MDGA2: variants seen among roughly 807,000 people sequenced by gnomAD.
The protein encoded by MDGA2 is MAM domain containing glycosylphosphatidylinositol anchor 2.
MDGA2 carries 40 observed loss-of-function variants against 117.8 expected under a neutral mutation model. The ratio of observed to expected loss-of-function variants is 0.34; its 90% CI spans 0.26 to 0.44. The LOEUF is 0.44. MDGA2 is among the 20% of genes least tolerant of loss of function. MDGA2 has a pLI of 1.00. For synonymous variants in MDGA2, 452 were observed against 439.0 expected (o/e 1.03, Z -0.37); for missense variants, 1,123 against 1,250.6 (o/e 0.90, Z 1.54).
chr14:47,478,384 A>C (rs1893886126), intron 1 of MDGA2, among the ~76,000 whole-genome samples: 2 of 151,946 alleles, frequency 1.3e-5, no homozygotes, highest in Admixed American at 6.6e-5. Flanking sequence ...TGAAAATATT[A>C]TTATTATTTA....
At chr14:47,050,675 A>G (rs1296250355) in intron 7 of MDGA2, among the ~76,000 whole-genome samples, 5 of 152,032 alleles carry the variant, frequency 3.3e-5, no homozygotes, top group Non-Finnish European at 7.4e-5. Flanking sequence ...TTAGAAACCC[A>G]AACCATGGGT....
At chr14:47,656,932 A>G (rs1797447485) in intron 1 of MDGA2, among the ~76,000 whole-genome samples, 1 of 152,160 alleles carries the variant, frequency 6.6e-6, no homozygotes, top group South Asian at 2.1e-4. Flanking sequence ...CGATGCATGT[A>G]ACTTCCAAGG....
At chr14:47,535,630 G>A (rs765362973) in intron 1 of MDGA2, among the ~76,000 whole-genome samples, 8 of 152,164 alleles carry the variant, frequency 5.3e-5, no homozygotes, top group Non-Finnish European at 8.8e-5. Context: ...AATAGAAGCA[G>A]ATAATGGAAC....
intron 1 of MDGA2, among the ~76,000 whole-genome samples, chr14:47,342,320 TTATA>T (rs1276384112): frequency 2.0e-5 from 3 of 148,190 alleles, no homozygotes; most frequent in African/African-American, 7.4e-5. Context: ...GTATATATAT[TTATA>T]TAACATATAT....
At chr14:47,225,455 T>G (rs571075963) in intron 2 of MDGA2, among the ~76,000 whole-genome samples, 2 of 151,900 alleles carry the variant, frequency 1.3e-5, no homozygotes, top group African/African-American at 4.8e-5. Flanking sequence ...ATGTGGCACA[T>G]AGACACCACG....
chr14:47,423,967 C>G (rs1892633343), intron 1 of MDGA2, among the ~76,000 whole-genome samples: 1 of 152,056 alleles, frequency 6.6e-6, no homozygotes, highest in South Asian at 2.1e-4. Flanking sequence ...CGTGAGCCAC[C>G]ATACCTGGCT....
At chr14:47,353,215 C>A (rs2138352627) in intron 1 of MDGA2, among the ~76,000 whole-genome samples, 1 of 152,244 alleles carries the variant, frequency 6.6e-6, no homozygotes, top group Non-Finnish European at 1.5e-5. Context: ...TCTTAAATCT[C>A]CACCCAGGGG....
At chr14:47,322,463 T>A (rs1321757401) in intron 1 of MDGA2, among the ~76,000 whole-genome samples, 1 of 152,122 alleles carries the variant, frequency 6.6e-6, no homozygotes, top group Non-Finnish European at 1.5e-5. Context: ...TAAGGAAGCC[T>A]AAAAAATAAA....
At chr14:46,933,535 C>T (rs1884659686) in intron 9 of MDGA2, among the ~76,000 whole-genome samples, 1 of 151,506 alleles carries the variant, frequency 6.6e-6, no homozygotes, top group African/African-American at 2.4e-5. Flanking sequence ...TAATCTCCCA[C>T]TACACTTCCC....
intron 10 of MDGA2, among the ~76,000 whole-genome samples, chr14:46,889,172 T>C (rs964226086): frequency 5.9e-5 from 9 of 152,058 alleles, no homozygotes; most frequent in African/African-American, 1.9e-4. Flanking sequence ...ATTTTTATTT[T>C]CTACTAGTAA....
intron 6 of MDGA2, among the ~76,000 whole-genome samples, chr14:47,086,579 G>A (rs1010492486): frequency 6.7e-6 from 1 of 150,182 alleles, no homozygotes; most frequent in African/African-American, 2.5e-5. Flanking sequence ...TTTTTGAAAA[G>A]GTTCTATTAT....
intron 1 of MDGA2, among the ~76,000 whole-genome samples, chr14:47,560,684 T>A (rs1358900603): frequency 6.6e-6 from 1 of 152,208 alleles, no homozygotes; most frequent in Non-Finnish European, 1.5e-5. Flanking sequence ...ATAGTTTCTT[T>A]TGCTGTGCAG....
At chr14:47,537,492 G>C (rs987360496) in intron 1 of MDGA2, among the ~76,000 whole-genome samples, 1 of 131,924 alleles carries the variant, frequency 7.6e-6, no homozygotes, top group African/African-American at 2.8e-5. Flanking sequence ...GTACATGAAA[G>C]AAAGATGCTA....
At chr14:46,954,428 A>G (rs1464765737) in intron 9 of MDGA2, among the ~76,000 whole-genome samples, 1 of 152,094 alleles carries the variant, frequency 6.6e-6, no homozygotes, top group African/African-American at 2.4e-5. Flanking sequence ...CAAACAAACA[A>G]AAACTATCTT....
At chr14:47,153,115 A>G (rs1566653300) in intron 3 of MDGA2, among the ~76,000 whole-genome samples, 1 of 152,234 alleles carries the variant, frequency 6.6e-6, no homozygotes, top group African/African-American at 2.4e-5. Flanking sequence ...CATCTATGCT[A>G]AAGAAAATCC....
At chr14:47,271,755 T>C (rs1888151612) in intron 2 of MDGA2, among the ~76,000 whole-genome samples, 1 of 152,218 alleles carries the variant, frequency 6.6e-6, no homozygotes. Context: ...ATTTTATCAG[T>C]AAAATTTTGT....
intron 1 of MDGA2, among the ~76,000 whole-genome samples, chr14:47,441,783 T>C (rs960765938): frequency 2.6e-5 from 4 of 152,092 alleles, no homozygotes; most frequent in East Asian, 1.9e-4. Context: ...TTAATAGAAA[T>C]ATAAACCAGT....
chr14:47,305,602 A>C (rs1350374902), intron 1 of MDGA2, among the ~76,000 whole-genome samples: 1 of 152,166 alleles, frequency 6.6e-6, no homozygotes, highest in Non-Finnish European at 1.5e-5. Flanking sequence ...CAATGGCAAC[A>C]ACCAGGGGCA....
At chr14:46,865,774 G>C (rs2138338139) in intron 14 of MDGA2, among the ~76,000 whole-genome samples, 1 of 152,164 alleles carries the variant, frequency 6.6e-6, no homozygotes, top group South Asian at 2.1e-4. Flanking sequence ...CAAATCATGA[G>C]TGAACTCCCA....
Sources: allele counts gnomAD v4.1 joint callset (sites outside exome capture counted in the v4.1 genomes callset), GRCh38; gene constraint gnomAD v4.1.1; transcripts MANE v1.5; gene names NCBI Gene and HGNC (gene_info 2026-07-23, HGNC 2026-07-21).